Variants in CCT6B observed in about 807,000 individuals in gnomAD.
The protein encoded by CCT6B is probable T-complex protein 1 subunit zeta-2.
A neutral mutation model predicts 61.5 loss-of-function variants in CCT6B; 49 were observed. The observed-to-expected ratio is 0.80, with a 90% confidence interval of 0.63 to 1.01. CCT6B has a LOEUF of 1.01. CCT6B is among the 50% of genes least tolerant of loss of function. The probability of loss-of-function intolerance (pLI) is 0.00; values close to 1 mark genes in which losing one functional copy is unlikely to be tolerated. For missense variants in CCT6B, 666 were observed against 634.7 expected (o/e 1.05, Z -0.53); for synonymous variants, 228 against 214.5 (o/e 1.06, Z -0.55).
rs2090152694 is a variant in CCT6B, at chr17:34,940,614, T to C, written c.893A>G (p.Asp298Gly). 6.7e-7 allele frequency: 1 copy of C among 1,498,710 alleles called. No individual in the cohort carries two copies. The highest frequency in any genetic ancestry group is 1.4e-5 in the African/African-American group (1 of 71,858). 92.8% of individuals were successfully genotyped at this position (1,498,710 alleles called of 1,614,324 possible). ...GFVVINQKGI[D>G]PFSLDSLAKH... ...TGCAAGAGAATCTAAGGAAAATGGA[T>C]CAATTCCCTATAATCAAATTAACAT... is the stretch of plus-strand genomic sequence containing the variant. Residue 298 changes from aspartate (D) to glycine (G), a missense_variant, in exon 8 of 14, where the codon GAT (aspartate) becomes GGT (glycine). Coordinates refer to ENST00000314144, the MANE Select transcript of CCT6B (RefSeq NM_006584.4).
chr17:34,933,825 C>T (rs898030166), intron 10 of CCT6B, among the ~76,000 whole-genome samples: 5 of 151,972 alleles, frequency 3.3e-5, no homozygotes, highest in Non-Finnish European at 7.4e-5. Context: ...ACCCCAGCTT[C>T]CACCTTAAGA....
At chr17:34,942,460 TA>T in intron 7 of CCT6B, 23 bp downstream of exon 7, 1 of 1,566,954 alleles carries the variant, frequency 6.4e-7, no homozygotes, top group Non-Finnish European at 8.6e-7. Context: ...TACAAATAAC[TA>T]AAATCTAAAC....
intron 10 of CCT6B, among the ~76,000 whole-genome samples, chr17:34,937,891 C>CT (rs911609496): frequency 1.4e-3 from 207 of 144,242 alleles, no homozygotes; most frequent in Non-Finnish European, 1.4e-3. Context: ...CTTTTCTTCT[C>CT]TTTTTTTTTT....
intron 3 of CCT6B, among the ~76,000 whole-genome samples, 179 bp downstream of exon 3, chr17:34,958,381 T>C (rs961955933): frequency 3.3e-5 from 5 of 152,168 alleles, no homozygotes; most frequent in South Asian, 2.1e-4. Context: ...GAGGCGGAGG[T>C]TGCAGTGAGC....
In CCT6B at chr17:34,929,013, T is replaced by G. The variant is rs764176435; in HGVS notation, c.1472A>C (p.Asp491Ala). ...LNTGEPMVAADAGVWDNYCVK... is the reference protein window; with the variant it reads ...LNTGEPMVAAAAGVWDNYCVK... ...ACAATAATTATCCCAAACTCCTGCATCTGCTGCTACCATTGGCTCACCTGA... is the reference window on the plus strand; with the variant it reads ...ACAATAATTATCCCAAACTCCTGCAGCTGCTGCTACCATTGGCTCACCTGA... Residue 491 changes from aspartate to alanine, a missense_variant, in exon 13 of 14, where the codon GAT becomes GCT. Physicochemically the swap from Asp to Ala is moderately radical, Grantham distance 126 (BLOSUM62 -2). Coordinates refer to ENST00000314144, the MANE Select transcript of CCT6B (RefSeq NM_006584.4). The G allele has an allele frequency of 3.0e-5, 49 of 1,609,042 alleles. No individual in the cohort carries two copies. Among genetic ancestry groups the G allele is most frequent in the Non-Finnish European group, 4.1e-5 (48 of 1,176,400 alleles).
At chr17:34,935,934 T>A (rs1053991894) in intron 10 of CCT6B, among the ~76,000 whole-genome samples, 1 of 151,842 alleles carries the variant, frequency 6.6e-6, no homozygotes. Flanking sequence ...CGTGTGTGTG[T>A]GTGTGTGTGT....
chr17:34,943,058 G>A (rs1367606207), intron 5 of CCT6B, 152 bp from the exon 6 acceptor site: 1 of 569,590 alleles, frequency 1.8e-6, no homozygotes, highest in African/African-American at 1.9e-5. Flanking sequence ...TTTGTTTTTT[G>A]TTTTCAGAGA....
intron 3 of CCT6B, among the ~76,000 whole-genome samples, chr17:34,957,839 G>A (rs114073331): frequency 5.1e-4 from 78 of 152,258 alleles, no homozygotes; most frequent in East Asian, 2.3e-3. Context: ...GCCAGTGAAC[G>A]GAGGAGTCTG....
chr17:34,939,714 C>A lies in CCT6B; in HGVS notation c.969-1G>T. 6.3e-7 allele frequency: 1 copy of A among 1,591,658 alleles called. No homozygotes were observed. The highest frequency in any genetic ancestry group is 8.6e-7 in the Non-Finnish European group (1 of 1,159,752). Reference sequence around the variant, plus strand: ...CATTCCACCACAAGCAAGAGAGAGTCTGAAATTACATATATGTCACCATAG... The same window carrying A: ...CATTCCACCACAAGCAAGAGAGAGTATGAAATTACATATATGTCACCATAG... On this transcript the variant is annotated splice_acceptor_variant, in intron 8 of 13. Transcript: ENST00000314144. LOFTEE classifies it high-confidence loss of function.
chr17:34,935,929 G>A (rs1047667962), intron 10 of CCT6B, among the ~76,000 whole-genome samples: 1 of 151,426 alleles, frequency 6.6e-6, no homozygotes, highest in Non-Finnish European at 1.5e-5. Flanking sequence ...ATTCTCGTGT[G>A]TGTGTGTGTG....
chr17:34,940,320 A>C (rs1206067931), intron 8 of CCT6B, among the ~76,000 whole-genome samples: 12 of 152,222 alleles, frequency 7.9e-5, no homozygotes. Context: ...TTTTAAAAAG[A>C]TAAAAACTTT....
chr17:34,931,588 A>G (rs1218017627), intron 11 of CCT6B, among the ~76,000 whole-genome samples: 1 of 152,168 alleles, frequency 6.6e-6, no homozygotes, highest in Non-Finnish European at 1.5e-5. Flanking sequence ...ATGAGGAAAA[A>G]GGTACCACCA....
intron 3 of CCT6B, among the ~76,000 whole-genome samples, chr17:34,955,418 A>T (rs1353667711): frequency 6.6e-6 from 1 of 152,176 alleles, no homozygotes; most frequent in Non-Finnish European, 1.5e-5. Flanking sequence ...TATACACTGA[A>T]ATATTTAGAT....
In CCT6B at chr17:34,927,964, G is replaced by A. The variant is rs966928815; in HGVS notation, c.*84C>T. ...ACTGCATTTATTGTGTAGAAATTCAGAATGGCTCAGGCTACACAATAGTAG... is the reference window on the plus strand; with the variant it reads ...ACTGCATTTATTGTGTAGAAATTCAAAATGGCTCAGGCTACACAATAGTAG... On this transcript the variant is annotated 3_prime_UTR_variant, in exon 14 of 14. Coordinates refer to ENST00000314144, the MANE Select transcript of CCT6B (RefSeq NM_006584.4). 1 of 882,500 alleles carries A rather than the reference G, an allele frequency of 1.1e-6. No homozygotes were observed. The highest frequency in any genetic ancestry group is 1.7e-6 in the Non-Finnish European group (1 of 580,142). The allele number at this position is 882,500 out of a possible 1,614,324, so 54.7% of individuals were successfully genotyped here.
At chr17:34,950,623 A>G (rs2090279926) in intron 5 of CCT6B, among the ~76,000 whole-genome samples, 1 of 152,248 alleles carries the variant, frequency 6.6e-6, no homozygotes, top group South Asian at 2.1e-4. Context: ...TTAGTCCTAT[A>G]GCCATTAAGA....
chr17:34,954,593 G>A lies in CCT6B; in HGVS notation c.343C>T (p.His115Tyr), dbSNP rs759188036. The change falls in exon 4 of 14, where the codon CAC becomes TAC. Residue 115 changes from histidine (H) to tyrosine (Y), a missense_variant. Transcript: ENST00000314144. ...QADLYISEGL[H>Y]PRIIAEGFEA... is the part of the protein sequence containing the mutation. The stretch of plus-strand genomic sequence containing the variant: ...AATCCTTCAGCTATTATTCTAGGGT[G>A]CAGGCCCTGTTACATCAACATAAAA... The A allele has an allele frequency of 1.4e-5, 22 of 1,604,074 alleles. No individual in the cohort carries two copies. In the East Asian group the frequency reaches 4.5e-4, roughly 33 times the overall value.
chr17:34,960,817 T>C (rs1473013028), intron 1 of CCT6B, among the ~76,000 whole-genome samples: 2 of 152,208 alleles, frequency 1.3e-5, no homozygotes, highest in Non-Finnish European at 2.9e-5. Context: ...ACACGGGGTA[T>C]TCAAGTAGAA....
rs1406825538 is a variant in CCT6B at position 34,934,883 on chromosome 17, A to T, written c.1214-2383T>A. ...GCATTACAAGAAAAAATATACACAG[A>T]CCAATACCCCTTATGAATACATATG... is the stretch of plus-strand genomic sequence containing the variant. On this transcript the variant is annotated intron_variant, in intron 10 of 13. Transcript: ENST00000314144. 2.6e-5 allele frequency among the ~76,000 whole-genome samples: 4 copies of T among 152,208 alleles called. No individual in the cohort carries two copies. In the South Asian group the frequency reaches 8.3e-4, roughly 31 times the overall value.
At chr17:34,938,285 G>A (rs1455115993) in intron 10 of CCT6B, among the ~76,000 whole-genome samples, 1 of 152,154 alleles carries the variant, frequency 6.6e-6, no homozygotes, top group Non-Finnish European at 1.5e-5. Flanking sequence ...CTCAACATGG[G>A]CTGAATGTGG....
Sources: gnomAD v4.1 joint callset for allele counts (sites outside exome capture counted in the v4.1 genomes callset) on GRCh38, gnomAD v4.1.1 for gene constraint, MANE v1.5 for transcripts, NCBI Gene and HGNC (gene_info 2026-07-23, HGNC 2026-07-21) for gene names.